DPP10: variants seen among roughly 807,000 people sequenced by gnomAD.
The protein encoded by DPP10 is dipeptidyl peptidase like 10, also known as inactive dipeptidyl peptidase 10.
In DPP10, 33 loss-of-function variants were observed where a neutral mutation model predicts 120.9. The ratio of observed to expected loss-of-function variants is 0.27; its 90% CI spans 0.21 to 0.37. The LOEUF (loss-of-function observed/expected upper bound fraction) is 0.37. Among genes scored for constraint, DPP10 ranks in the 10% least tolerant of loss-of-function variants. The pLI is 1.00. For missense variants in DPP10, 816 were observed against 942.8 expected (o/e 0.87, Z 1.76); for synonymous variants, 337 against 326.1 (o/e 1.03, Z -0.36).
intron 1 of DPP10, among the ~76,000 whole-genome samples, chr2:114,804,923 G>GCT (rs760720839): frequency 9.9e-5 from 15 of 152,254 alleles, no homozygotes; most frequent in Admixed American, 4.6e-4. Flanking sequence ...ATATAGTTTG[G>GCT]CTGCGTCCCC....
At chr2:115,326,742 AG>A (rs1291912399) in intron 2 of DPP10, among the ~76,000 whole-genome samples, 6 of 152,236 alleles carry the variant, frequency 3.9e-5, no homozygotes, top group African/African-American at 1.4e-4. Flanking sequence ...AAATAGACAA[AG>A]GTTATGCAAT....
intron 1 of DPP10, among the ~76,000 whole-genome samples, chr2:114,884,120 C>A (rs1364853145): frequency 6.6e-6 from 1 of 151,926 alleles, no homozygotes; most frequent in African/African-American, 2.4e-5. Context: ...ATTAAAGATA[C>A]CTTATAAATC....
chr2:115,416,725 AT>A (rs1264949825), intron 3 of DPP10, among the ~76,000 whole-genome samples: 5 of 152,178 alleles, frequency 3.3e-5, no homozygotes, highest in African/African-American at 1.2e-4. Flanking sequence ...TGTGACAAGC[AT>A]TTCGCTGGTT....
intron 1 of DPP10, among the ~76,000 whole-genome samples, chr2:114,872,222 T>C (rs1193584408): frequency 1.3e-5 from 2 of 152,096 alleles, no homozygotes; most frequent in African/African-American, 4.8e-5. Context: ...CTTACAATCA[T>C]GGTGGAAGGG....
chr2:115,734,655 TAA>T (rs55950813), intron 8 of DPP10, among the ~76,000 whole-genome samples: 14,831 of 99,404 alleles, frequency 0.15, 1,020 homozygotes, highest in African/African-American at 0.21. Flanking sequence ...GACTCTGTCT[TAA>T]AAAAAAAAAA....
At position 115,758,996 on chromosome 2, in the gene DPP10, A is replaced by T. The variant is rs369133790; in HGVS notation, c.1075-3576A>T. On this transcript the variant is annotated intron_variant, in intron 11 of 25. Transcript: ENST00000410059. ...AGTGTTCTAGGGGAAAATATGAAAT[A>T]AAACCTTACTATACTGAATAAGCCA... 2.2e-4 allele frequency among the ~76,000 whole-genome samples: 34 copies of T among 152,304 alleles called. 1 individual carries two copies. The East Asian group carries it at 3.9e-3, about 17-fold the overall frequency.
chr2:115,285,122 T>C (rs1348344033), intron 1 of DPP10, among the ~76,000 whole-genome samples: 1 of 152,010 alleles, frequency 6.6e-6, no homozygotes, highest in African/African-American at 2.4e-5. Flanking sequence ...ATGAGAAAGC[T>C]AAGACTTCAG....
intron 1 of DPP10, among the ~76,000 whole-genome samples, chr2:114,532,292 T>C (rs375582748): frequency 0.21 from 13,652 of 65,946 alleles, 1,102 homozygotes; most frequent in Non-Finnish European, 0.27. Context: ...TATATATATA[T>C]ATATACACAC....
At chr2:115,725,430 A>G (rs1406681996) in intron 7 of DPP10, among the ~76,000 whole-genome samples, 3 of 152,210 alleles carry the variant, frequency 2.0e-5, no homozygotes, top group Non-Finnish European at 4.4e-5. Flanking sequence ...CATCTTATGG[A>G]CATTCTCTCA....
chr2:114,723,788 T>A (rs1185362013), intron 1 of DPP10, among the ~76,000 whole-genome samples: 1 of 152,198 alleles, frequency 6.6e-6, no homozygotes, highest in Admixed American at 6.5e-5. Flanking sequence ...CTCTCAGAAA[T>A]TTTAATAAAT....
At chr2:115,392,640 A>G (rs1394790657) in intron 3 of DPP10, among the ~76,000 whole-genome samples, 1 of 152,120 alleles carries the variant, frequency 6.6e-6, no homozygotes, top group Non-Finnish European at 1.5e-5. Context: ...AGGACAGATG[A>G]TTAGATGAGC....
chr2:114,864,652 T>C (rs1182425207), intron 1 of DPP10, among the ~76,000 whole-genome samples: 1 of 152,202 alleles, frequency 6.6e-6, no homozygotes, highest in Admixed American at 6.5e-5. Context: ...ATGTTTGGCC[T>C]GTGAAACAAT....
Position 115,663,743 on chromosome 2 carries a change from T to C in DPP10, c.442-25944T>C, listed in dbSNP as rs368242568. Reference sequence around the variant, plus strand: ...TGGGCGCGGTGGCTCACGCCTGTAATCCCAGCACTTTGGGAGGCTGAGGCA... The same window carrying C: ...TGGGCGCGGTGGCTCACGCCTGTAACCCCAGCACTTTGGGAGGCTGAGGCA... On this transcript the variant is annotated intron_variant, in intron 5 of 25. Coordinates refer to ENST00000410059, the MANE Select transcript of DPP10 (RefSeq NM_020868.6). Among the ~76,000 whole-genome samples the C allele has an allele frequency of 1.1e-3, 165 of 152,240 alleles. 2 individuals are homozygous for C. The highest frequency in any genetic ancestry group is 3.4e-3 in the Middle Eastern group (1 of 294).
intron 1 of DPP10, among the ~76,000 whole-genome samples, chr2:114,493,117 C>T (rs1682149760): frequency 2.0e-5 from 3 of 152,152 alleles, no homozygotes; most frequent in African/African-American, 7.2e-5. Context: ...TAGAGATACA[C>T]TCAGTGTGCA....
chr2:115,427,916 C>A lies in DPP10; in HGVS notation c.272-71594C>A, dbSNP rs545952788. Among the ~76,000 whole-genome samples, 7 of 152,300 alleles carry A rather than the reference C, an allele frequency of 4.6e-5. No homozygotes were observed. In the South Asian group the frequency reaches 1.5e-3, roughly 32 times the overall value. The stretch of plus-strand genomic sequence containing the variant: ...CATTTCTTTGTTCCTGCATTTGAAG[C>A]TGGCTGTTAGAAGCAGCCAGACAAC... On this transcript the variant is annotated intron_variant, in intron 3 of 25. Transcript: ENST00000410059.
At chr2:115,771,521 C>T (rs1681467911) in intron 13 of DPP10, among the ~76,000 whole-genome samples, 1 of 152,136 alleles carries the variant, frequency 6.6e-6, no homozygotes, top group African/African-American at 2.4e-5. Flanking sequence ...TTAAAAGATA[C>T]CCAGGCAGGG....
At chr2:114,797,022 A>C (rs10180031) in intron 1 of DPP10, among the ~76,000 whole-genome samples, 92,746 of 151,972 alleles carry the variant, frequency 0.61, 28,521 homozygotes, top group East Asian at 0.78. Flanking sequence ...GTCTAGATAC[A>C]TAAGAGGATA....
intron 1 of DPP10, chr2:115,131,236 T>G (rs945070932): frequency 9.8e-5 from 15 of 152,334 alleles, no homozygotes; most frequent in African/African-American, 3.1e-4. Flanking sequence ...GCAAATAGTC[T>G]GGGCACAATG....
rs569159418 is a variant in DPP10 at position 115,002,625 on chromosome 2, G to A, written c.61-306614G>A. 4.6e-5 allele frequency among the ~76,000 whole-genome samples: 7 copies of A among 152,030 alleles called. No individual in the cohort carries two copies. In the South Asian group the frequency reaches 1.5e-3, roughly 32 times the overall value. ...TTTACAAACTATGCATCCAACAAAGGTTTAATATCTAGAATTCCTAAGAAA... is the reference window on the plus strand; with the variant it reads ...TTTACAAACTATGCATCCAACAAAGATTTAATATCTAGAATTCCTAAGAAA... On this transcript the variant is annotated intron_variant, in intron 1 of 25. Coordinates refer to ENST00000410059, the MANE Select transcript of DPP10 (RefSeq NM_020868.6).
Sources: gnomAD v4.1 joint callset for allele counts (sites outside exome capture counted in the v4.1 genomes callset) on GRCh38, gnomAD v4.1.1 for gene constraint, MANE v1.5 for transcripts, NCBI Gene and HGNC (gene_info 2026-07-23, HGNC 2026-07-21) for gene names.